The following EPHA7 variants were observed in gnomAD, a reference collection of about 807,000 sequenced individuals.
EPHA7 encodes the protein EPH receptor A7.
A neutral mutation model predicts 112.6 loss-of-function variants in EPHA7; 25 were observed. That is an observed-to-expected ratio of 0.22 (90% CI 0.16 to 0.31). The LOEUF (loss-of-function observed/expected upper bound fraction) is 0.31, where lower values mean the gene tolerates loss of function less well. Among genes scored for constraint, EPHA7 ranks in the 10% least tolerant of loss-of-function variants. The pLI is 1.00. For synonymous variants in EPHA7, 437 were observed against 406.5 expected, an observed-to-expected ratio of 1.07 and a Z score of -0.90; for missense variants, 962 against 1,212.6, an observed-to-expected ratio of 0.79 and a Z score of 3.07.
At chr6:93,282,626 CA>C (rs1412180255) in intron 5 of EPHA7, among the ~76,000 whole-genome samples, 4 of 152,132 alleles carry the variant, frequency 2.6e-5, no homozygotes, top group African/African-American at 2.4e-5. Context: ...CCGGCTCCTT[CA>C]GCTTGCGGGG....
intron 3 of EPHA7, among the ~76,000 whole-genome samples, chr6:93,389,296 G>A (rs1218571401): frequency 2.0e-5 from 3 of 152,000 alleles, no homozygotes; most frequent in Non-Finnish European, 4.4e-5. Flanking sequence ...TACTTTGTGT[G>A]TATTACATCA....
chr6:93,359,874 G>GAGAGATAGATAGAT (rs1462833873), intron 3 of EPHA7, among the ~76,000 whole-genome samples: 222 of 127,918 alleles, frequency 1.7e-3, no homozygotes, highest in African/African-American at 4.4e-3. Context: ...GAGAGAGAGA[G>GAGAGATAGATAGAT]AGATAGATAG....
intron 3 of EPHA7, among the ~76,000 whole-genome samples, chr6:93,383,685 G>A (rs915276005): frequency 2.0e-5 from 3 of 152,082 alleles, no homozygotes; most frequent in Non-Finnish European, 4.4e-5. Context: ...CTTCCTGGAG[G>A]AGTAATAGTT....
At chr6:93,344,630 T>C (rs1351658682) in intron 5 of EPHA7, among the ~76,000 whole-genome samples, 1 of 151,688 alleles carries the variant, frequency 6.6e-6, no homozygotes, top group Non-Finnish European at 1.5e-5. Context: ...ATCATTATGA[T>C]AGTTTCTACC....
At chr6:93,358,810 T>C (rs1018238421) in intron 3 of EPHA7, among the ~76,000 whole-genome samples, 1 of 152,208 alleles carries the variant, frequency 6.6e-6, no homozygotes, top group Non-Finnish European at 1.5e-5. Flanking sequence ...CTTAATATAA[T>C]ATAGCTTTAA....
chr6:93,383,576 A>G (rs1327098518), intron 3 of EPHA7, among the ~76,000 whole-genome samples: 1 of 152,170 alleles, frequency 6.6e-6, no homozygotes, highest in Non-Finnish European at 1.5e-5. Context: ...CCAAAATGTA[A>G]TATCTTAGGC....
At chr6:93,341,671 G>A (rs968053385) in intron 5 of EPHA7, among the ~76,000 whole-genome samples, 2 of 151,714 alleles carry the variant, frequency 1.3e-5, no homozygotes, top group Non-Finnish European at 2.9e-5. Flanking sequence ...AAACCAACAT[G>A]CTGAAGTTTA....
At position 93,242,858 on chromosome 6, in the gene EPHA7, A is replaced by C. The variant is rs1769744920; in HGVS notation, c.*568T>G. ...AAAGGATACCAATGTTCTAACAGAG[A>C]TGTATCTTCAATCATGCTATTTCTT... On this transcript the variant is annotated 3_prime_UTR_variant, in exon 17 of 17. Coordinates refer to ENST00000369303, the MANE Select transcript of EPHA7 (RefSeq NM_004440.4). 4.7e-6 allele frequency: 1 copy of C among 213,426 alleles called. No individual in the cohort carries two copies. The highest frequency in any genetic ancestry group is 9.5e-6 in the Non-Finnish European group (1 of 105,302). 13.2% of individuals were successfully genotyped at this position (213,426 alleles called of 1,614,324 possible). A position where few individuals can be genotyped will look rare whatever the true frequency, so the allele number is the denominator to read the frequency against.
At chr6:93,324,451 G>A (rs941024461) in intron 5 of EPHA7, among the ~76,000 whole-genome samples, 5 of 151,200 alleles carry the variant, frequency 3.3e-5, no homozygotes, top group African/African-American at 9.7e-5. Flanking sequence ...TAAACCCAAG[G>A]GCAGATGAAA....
intron 3 of EPHA7, among the ~76,000 whole-genome samples, chr6:93,386,908 C>T (rs1470122394): frequency 6.6e-6 from 1 of 152,082 alleles, no homozygotes; most frequent in Non-Finnish European, 1.5e-5. Flanking sequence ...CCCTAGGCTG[C>T]ACACAGTAGG....
intron 5 of EPHA7, among the ~76,000 whole-genome samples, chr6:93,349,791 CAT>C (rs1775598219): frequency 6.6e-6 from 1 of 151,786 alleles, no homozygotes; most frequent in African/African-American, 2.4e-5. Context: ...TATTAAAAGA[CAT>C]ATAACTTGAT....
chr6:93,384,285 CAG>C (rs1461980553), intron 3 of EPHA7, among the ~76,000 whole-genome samples: 5 of 152,102 alleles, frequency 3.3e-5, no homozygotes, highest in Non-Finnish European at 7.4e-5. Flanking sequence ...GATCTTAGCT[CAG>C]AGTCTTTGCC....
intron 3 of EPHA7, among the ~76,000 whole-genome samples, chr6:93,402,322 C>T (rs1298503433): frequency 1.3e-5 from 2 of 151,940 alleles, no homozygotes; most frequent in African/African-American, 4.8e-5. Flanking sequence ...CTACAATGTT[C>T]TAATTGGAAA....
chr6:93,283,684 A>C (rs1428652710), intron 5 of EPHA7, among the ~76,000 whole-genome samples: 1 of 152,098 alleles, frequency 6.6e-6, no homozygotes, highest in East Asian at 1.9e-4. Flanking sequence ...AGAAACTCCA[A>C]ACACATCCGA....
chr6:93,419,194 A>G, intron 1 of EPHA7, 51 bp downstream of exon 1: 1 of 1,479,394 alleles, frequency 6.8e-7, no homozygotes, highest in Non-Finnish European at 9.3e-7. Context: ...TTGTGCAGGT[A>G]GACATCTAAA....
chr6:93,294,113 G>C (rs1772529887), intron 5 of EPHA7, among the ~76,000 whole-genome samples: 1 of 152,114 alleles, frequency 6.6e-6, no homozygotes, highest in South Asian at 2.1e-4. Context: ...CAATGACAAA[G>C]CTGGCTTGCT....
intron 3 of EPHA7, among the ~76,000 whole-genome samples, chr6:93,364,976 T>A (rs2127954144): frequency 6.6e-6 from 1 of 152,320 alleles, no homozygotes. Flanking sequence ...TATTTGTGAT[T>A]GAATTTCTGA....
chr6:93,417,433 C>G (rs946775347), intron 1 of EPHA7, among the ~76,000 whole-genome samples: 2 of 152,204 alleles, frequency 1.3e-5, no homozygotes, highest in African/African-American at 4.8e-5. Context: ...CCTCCCATCA[C>G]CCCCGCGCCT....
At chr6:93,311,458 A>C (rs1773538077) in intron 5 of EPHA7, among the ~76,000 whole-genome samples, 1 of 152,138 alleles carries the variant, frequency 6.6e-6, no homozygotes, top group Admixed American at 6.5e-5. Flanking sequence ...CCCAACCATA[A>C]GAAGCAGCTC....
Sources: allele counts gnomAD v4.1 joint callset (sites outside exome capture counted in the v4.1 genomes callset), GRCh38; gene constraint gnomAD v4.1.1; transcripts MANE v1.5; gene names NCBI Gene and HGNC (gene_info 2026-07-23, HGNC 2026-07-21).